Variants in NLK observed in about 807,000 individuals in gnomAD.
NLK encodes the protein serine/threonine-protein kinase NLK.
Under a neutral mutation model 59.0 loss-of-function variants are expected in NLK, and 11 were observed. The observed-to-expected ratio is 0.19, with a 90% CI of 0.12 to 0.31. The LOEUF (loss-of-function observed/expected upper bound fraction) is 0.31, where lower values mean the gene tolerates loss of function less well. Ranked by LOEUF, NLK falls within the 10% of genes least tolerant of loss-of-function variation. The probability of loss-of-function intolerance (pLI) is 1.00; values close to 1 mark genes in which losing one functional copy is unlikely to be tolerated. For missense variants in NLK, 410 were observed against 661.1 expected (o/e 0.62, Z 4.16); for synonymous variants, 235 against 235.9 (o/e 1.00, Z 0.03).
chr17:28,154,181 ACAGAATGT>A (rs1450190446), intron 3 of NLK, among the ~76,000 whole-genome samples: 1 of 152,242 alleles, frequency 6.6e-6, no homozygotes, highest in Non-Finnish European at 1.5e-5. Context: ...GATTCTTGCT[ACAGAATGT>A]CAGAAAGTCT....
Position 28,043,050 on chromosome 17 carries a change from C to A in NLK, c.177C>A (p.Ala59=), listed in dbSNP as rs983444348. Residue 59 remains alanine, a synonymous_variant, in exon 1 of 11, where the codon GCC becomes GCA. Transcript: ENST00000407008. ...ACCATCTTCATCCGGGGTCGGCTGC[C>A]GCTGTACACCCTGTACAGCAGCACA... ...PQHHLHPGSA[A]AVHPVQQHTS... 4.5e-6 allele frequency: 7 copies of A among 1,560,088 alleles called. No individual in the cohort carries two copies. In the African/African-American group the frequency reaches 9.6e-5, roughly 21 times the overall value.
chr17:28,158,544 C>T (rs1008191803), intron 3 of NLK, among the ~76,000 whole-genome samples: 21 of 151,880 alleles, frequency 1.4e-4, no homozygotes, highest in African/African-American at 4.4e-4. Context: ...TTTTTACTTT[C>T]GAAACTTTTT....
intron 7 of NLK, among the ~76,000 whole-genome samples, chr17:28,180,687 G>T (rs992741068): frequency 6.6e-6 from 1 of 152,180 alleles, no homozygotes; most frequent in African/African-American, 2.4e-5. Flanking sequence ...GGAAGGGAAA[G>T]AACTGTTTAT....
intron 1 of NLK, among the ~76,000 whole-genome samples, chr17:28,057,291 C>T (rs554734387): frequency 1.3e-5 from 2 of 152,166 alleles, no homozygotes; most frequent in East Asian, 3.9e-4. Flanking sequence ...ACAGAATTTG[C>T]GGAGGTTGGG....
intron 7 of NLK, among the ~76,000 whole-genome samples, chr17:28,183,839 G>A (rs1018268844): frequency 1.3e-5 from 2 of 152,132 alleles, no homozygotes; most frequent in African/African-American, 4.8e-5. Context: ...AACTTTCAAA[G>A]CTTGAGGAAA....
chr17:28,176,940 C>T (rs1908704482), intron 7 of NLK, among the ~76,000 whole-genome samples: 1 of 152,114 alleles, frequency 6.6e-6, no homozygotes, highest in South Asian at 2.1e-4. Flanking sequence ...CCCCTGCCTA[C>T]AGTTGAAAAT....
intron 1 of NLK, among the ~76,000 whole-genome samples, chr17:28,120,642 G>A (rs1301386469): frequency 1.3e-5 from 2 of 152,004 alleles, no homozygotes; most frequent in Non-Finnish European, 2.9e-5. Flanking sequence ...GATAATACTT[G>A]TTTTATCAAA....
At chr17:28,086,891 T>A (rs1341110894) in intron 1 of NLK, among the ~76,000 whole-genome samples, 4 of 150,828 alleles carry the variant, frequency 2.7e-5, no homozygotes, top group Non-Finnish European at 5.9e-5. Context: ...ATATATATAT[T>A]TTATATTTTA....
At chr17:28,070,015 C>T (rs1180459990) in intron 1 of NLK, among the ~76,000 whole-genome samples, 1 of 152,046 alleles carries the variant, frequency 6.6e-6, no homozygotes, top group Admixed American at 6.5e-5. Context: ...GCAGGCAGAT[C>T]ACCTGAGGTC....
intron 3 of NLK, among the ~76,000 whole-genome samples, chr17:28,138,023 G>C (rs959337011): frequency 6.6e-6 from 1 of 152,088 alleles, no homozygotes; most frequent in African/African-American, 2.4e-5. Flanking sequence ...TTGGAAATCT[G>C]TATGCAAACA....
At chr17:28,162,269 C>T (rs1295852848) in intron 4 of NLK, among the ~76,000 whole-genome samples, 3 of 152,080 alleles carry the variant, frequency 2.0e-5, no homozygotes, top group South Asian at 4.1e-4. Context: ...CCTGCCTCGG[C>T]CTCCCAAAGT....
In NLK at chr17:28,189,989, G is replaced by T. The variant is rs546292088; in HGVS notation, c.1237-1032G>T. Among the ~76,000 whole-genome samples the T allele has an allele frequency of 3.9e-5, 6 of 151,956 alleles. No individual in the cohort carries two copies. The East Asian group carries it at 1.2e-3, about 29-fold the overall frequency. ...AAATCAGTGATAAAAGTGTTTTTAGGGAATCCGGGCTTATGAGAAACATTT... is the reference window on the plus strand; with the variant it reads ...AAATCAGTGATAAAAGTGTTTTTAGTGAATCCGGGCTTATGAGAAACATTT... On this transcript the variant is annotated intron_variant, in intron 8 of 10. Coordinates refer to ENST00000407008, the MANE Select transcript of NLK (RefSeq NM_016231.5).
At chr17:28,049,008 A>G (rs1337864268) in intron 1 of NLK, 1 of 152,210 alleles carries the variant, frequency 6.6e-6, no homozygotes, top group African/African-American at 2.4e-5. Flanking sequence ...TGGGCCATCT[A>G]ATACAGGTCA....
rs370889662 is a variant in NLK at position 28,191,260 on chromosome 17, G to A, written c.1435+41G>A. ...GGCCTTTGGCCAGGCAATATGCCTAGTAACATTTTCCATTAGGTGGCCATG... is the reference window on the plus strand; with the variant it reads ...GGCCTTTGGCCAGGCAATATGCCTAATAACATTTTCCATTAGGTGGCCATG... On this transcript the variant is annotated intron_variant, in intron 9 of 10. Transcript: ENST00000407008. The A allele has an allele frequency of 2.7e-6, 4 of 1,486,670 alleles. No homozygotes were observed. The African/African-American group carries it at 4.2e-5, about 16-fold the overall frequency. The allele number at this position is 1,486,670 out of a possible 1,614,324, so 92.1% of individuals were successfully genotyped here.
intron 7 of NLK, among the ~76,000 whole-genome samples, chr17:28,183,029 T>C (rs1908973535): frequency 6.6e-6 from 1 of 152,196 alleles, no homozygotes; most frequent in South Asian, 2.1e-4. Flanking sequence ...CAAAGTTTTA[T>C]AGGGAACCCC....
chr17:28,066,254 G>A (rs1372278927), intron 1 of NLK, among the ~76,000 whole-genome samples: 1 of 152,100 alleles, frequency 6.6e-6, no homozygotes, highest in African/African-American at 2.4e-5. Flanking sequence ...TCGCAGCCAA[G>A]GTCCTTGAAA....
intron 1 of NLK, among the ~76,000 whole-genome samples, chr17:28,057,722 G>T (rs530402518): frequency 6.6e-6 from 1 of 152,058 alleles, no homozygotes; most frequent in Non-Finnish European, 1.5e-5. Flanking sequence ...CCCTAATGCA[G>T]TCATATGAGC....
At chr17:28,160,469 A>G (rs181423695) in intron 3 of NLK, among the ~76,000 whole-genome samples, 38 of 152,280 alleles carry the variant, frequency 2.5e-4, no homozygotes, top group African/African-American at 8.9e-4. Flanking sequence ...AGAGTCTTGA[A>G]TTGCATATCT....
At chr17:28,094,950 T>G (rs2142782887) in intron 1 of NLK, among the ~76,000 whole-genome samples, 1 of 152,308 alleles carries the variant, frequency 6.6e-6, no homozygotes, top group South Asian at 2.1e-4. Flanking sequence ...TAGTTCTCAG[T>G]CCACATATTT....
Sources: gnomAD v4.1 joint callset for allele counts (sites outside exome capture counted in the v4.1 genomes callset) on GRCh38, gnomAD v4.1.1 for gene constraint, MANE v1.5 for transcripts, NCBI Gene and HGNC (gene_info 2026-07-23, HGNC 2026-07-21) for gene names.